Variants in CDKAL1 observed in about 807,000 individuals in gnomAD.
The protein encoded by CDKAL1 is threonylcarbamoyladenosine tRNA methylthiotransferase.
In CDKAL1, 32 loss-of-function variants were observed where a neutral mutation model predicts 68.2. That is an observed-to-expected ratio of 0.47 (90% confidence interval 0.35 to 0.63). The LOEUF (loss-of-function observed/expected upper bound fraction) is 0.63, where lower values mean the gene tolerates loss of function less well. Among genes scored for constraint, CDKAL1 ranks in the 30% least tolerant of loss-of-function variants. CDKAL1 has a pLI of 0.00. For synonymous variants in CDKAL1, 234 were observed against 244.3 expected, an observed-to-expected ratio of 0.96 and a Z score of 0.39; for missense variants, 606 against 696.7, an observed-to-expected ratio of 0.87 and a Z score of 1.47.
intron 9 of CDKAL1, among the ~76,000 whole-genome samples, chr6:20,910,373 A>C (rs1277392664): frequency 6.6e-6 from 1 of 152,230 alleles, no homozygotes; most frequent in Non-Finnish European, 1.5e-5. Flanking sequence ...AGGAAATAAA[A>C]ATACAGGAGG....
chr6:20,848,677 C>T (rs1006308848), intron 9 of CDKAL1, among the ~76,000 whole-genome samples: 1 of 152,036 alleles, frequency 6.6e-6, no homozygotes, highest in African/African-American at 2.4e-5. Flanking sequence ...TTTTCTGTTG[C>T]CTTATTATCT....
At chr6:20,996,576 G>A (rs140375287) in intron 10 of CDKAL1, among the ~76,000 whole-genome samples, 5 of 152,302 alleles carry the variant, frequency 3.3e-5, no homozygotes, top group African/African-American at 1.2e-4. Flanking sequence ...TATTAAATTT[G>A]CCATCTTATA....
At position 20,733,097 on chromosome 6, in the gene CDKAL1, C is replaced by A. The variant is rs966334268; in HGVS notation, c.372-6422C>A. 2.0e-5 allele frequency among the ~76,000 whole-genome samples: 3 copies of A among 152,162 alleles called. No individual in the cohort carries two copies. In the East Asian group the frequency reaches 5.8e-4, roughly 29 times the overall value. On this transcript the variant is annotated intron_variant, in intron 5 of 15. Transcript: ENST00000274695. ...GCCCCTGACCTTCTCCCTCAGGGAC[C>A]TCAGTGGGAGTCAGGGTGATGGAGT...
At chr6:20,686,549 G>T (rs1770635273) in intron 5 of CDKAL1, among the ~76,000 whole-genome samples, 1 of 152,086 alleles carries the variant, frequency 6.6e-6, no homozygotes, top group Non-Finnish European at 1.5e-5. Flanking sequence ...TTTATATTAT[G>T]GTGAGTTGTG....
intron 9 of CDKAL1, among the ~76,000 whole-genome samples, chr6:20,952,293 A>G (rs1245594367): frequency 6.6e-6 from 1 of 151,784 alleles, no homozygotes; most frequent in Non-Finnish European, 1.5e-5. Context: ...TTTTCCTGAC[A>G]TATACTTACC....
intron 5 of CDKAL1, among the ~76,000 whole-genome samples, chr6:20,685,555 A>T (rs907362314): frequency 2.6e-5 from 4 of 152,140 alleles, no homozygotes; most frequent in African/African-American, 9.7e-5. Context: ...TGGGATTTTG[A>T]TAGGGATTGC....
intron 2 of CDKAL1, among the ~76,000 whole-genome samples, chr6:20,541,012 G>A (rs1187652649): frequency 6.6e-6 from 1 of 152,180 alleles, no homozygotes; most frequent in Admixed American, 6.5e-5. Context: ...GAGGAGACTG[G>A]AGCTAGGAGA....
chr6:20,562,867 C>T (rs747084298), intron 4 of CDKAL1, among the ~76,000 whole-genome samples: 37 of 152,114 alleles, frequency 2.4e-4, no homozygotes, highest in Admixed American at 9.8e-4. Flanking sequence ...ATACGGTAGA[C>T]AAGAGGTAAG....
In CDKAL1 at chr6:20,694,050, GTGTGTGTGTGTA is replaced by G. The variant is rs759649725; in HGVS notation, c.371+44685_371+44696del. On this transcript the variant is annotated intron_variant, in intron 5 of 15. Transcript: ENST00000274695. ...AACACACCCGGCTAACTTTGTGTGT[GTGTGTGTGTGTA>G]TGTGTGTGTGTGTGTGTGTGTGTGT... 8.3e-3 allele frequency among the ~76,000 whole-genome samples: 738 copies of G among 89,110 alleles called. 3 individuals carry two copies. The highest frequency in any genetic ancestry group is 0.019 in the African/African-American group (389 of 20,108). The allele number at this position is 89,110 out of a possible 152,430, so 58.5% of individuals were successfully genotyped here.
At chr6:20,647,366 G>A (rs1038929071) in intron 4 of CDKAL1, among the ~76,000 whole-genome samples, 2 of 152,128 alleles carry the variant, frequency 1.3e-5, no homozygotes, top group African/African-American at 2.4e-5. Context: ...TTGGAGAAGC[G>A]CCATATGCAT....
At chr6:21,143,903 A>G (rs1776041174) in intron 13 of CDKAL1, among the ~76,000 whole-genome samples, 1 of 152,148 alleles carries the variant, frequency 6.6e-6, no homozygotes, top group South Asian at 2.1e-4. Context: ...AGGTTCTGGA[A>G]TGGTGCATCT....
At chr6:20,723,675 G>A (rs1240932542) in intron 5 of CDKAL1, 1 of 158,486 alleles carries the variant, frequency 6.3e-6, no homozygotes, top group East Asian at 1.8e-4. Context: ...AGTGCTATTG[G>A]AACAGAAAGA....
At chr6:20,772,450 C>T (rs1774986851) in intron 7 of CDKAL1, among the ~76,000 whole-genome samples, 1 of 152,154 alleles carries the variant, frequency 6.6e-6, no homozygotes, top group Non-Finnish European at 1.5e-5. Flanking sequence ...CTCCCACTGT[C>T]ATAAAAGACA....
intron 5 of CDKAL1, among the ~76,000 whole-genome samples, chr6:20,690,803 G>A (rs1770837430): frequency 6.6e-6 from 1 of 152,148 alleles, no homozygotes; most frequent in Non-Finnish European, 1.5e-5. Flanking sequence ...GATAAAAAAT[G>A]AATATAACTT....
At chr6:21,115,561 G>T in intron 13 of CDKAL1, among the ~76,000 whole-genome samples, 1 of 152,186 alleles carries the variant, frequency 6.6e-6, no homozygotes. Flanking sequence ...AAAGCCATTT[G>T]TGCACTTAAC....
intron 10 of CDKAL1, among the ~76,000 whole-genome samples, chr6:20,984,593 A>G (rs1237788393): frequency 2.0e-5 from 3 of 152,152 alleles, no homozygotes; most frequent in Non-Finnish European, 2.9e-5. Flanking sequence ...GAGATGGTAA[A>G]TGCAGAGGAT....
chr6:21,171,220 T>C (rs1417393846), intron 13 of CDKAL1, among the ~76,000 whole-genome samples: 1 of 152,126 alleles, frequency 6.6e-6, no homozygotes, highest in East Asian at 1.9e-4. Context: ...TACAAGTTAC[T>C]TCTTTTTTTT....
At chr6:20,852,866 C>T (rs1213020494) in intron 9 of CDKAL1, among the ~76,000 whole-genome samples, 1 of 152,204 alleles carries the variant, frequency 6.6e-6, no homozygotes, top group Middle Eastern at 3.2e-3. Flanking sequence ...TTTGAGGATT[C>T]AGCCAGAATC....
At chr6:21,151,338 A>G (rs1776402267) in intron 13 of CDKAL1, among the ~76,000 whole-genome samples, 2 of 152,250 alleles carry the variant, frequency 1.3e-5, no homozygotes, top group Non-Finnish European at 2.9e-5. Flanking sequence ...GTGGCTGGAC[A>G]GTAGTAACAG....
Sources: allele counts gnomAD v4.1 joint callset (sites outside exome capture counted in the v4.1 genomes callset), GRCh38; gene constraint gnomAD v4.1.1; transcripts MANE v1.5; gene names NCBI Gene and HGNC (gene_info 2026-07-23, HGNC 2026-07-21).